Variants in KCNIP3 observed in about 807,000 individuals in gnomAD.
The protein encoded by KCNIP3 is calsenilin.
A neutral mutation model predicts 35.0 loss-of-function variants in KCNIP3; 28 were observed. That is an observed-to-expected ratio of 0.80 (90% CI 0.59 to 1.10). KCNIP3 has a LOEUF of 1.10. Among genes scored for constraint, KCNIP3 ranks in the 50% least tolerant of loss-of-function variants. KCNIP3 has a pLI of 0.00. For synonymous variants in KCNIP3, 134 were observed against 133.8 expected (o/e 1.00, Z -0.01); for missense variants, 295 against 338.4 (o/e 0.87, Z 1.01).
intron 2 of KCNIP3, among the ~76,000 whole-genome samples, chr2:95,340,530 A>C (rs1424310543): frequency 6.6e-6 from 1 of 152,234 alleles, no homozygotes. Context: ...TTTGGTGGCA[A>C]GCTGGCAGTC....
chr2:95,307,600 C>T (rs1678208001), intron 1 of KCNIP3, among the ~76,000 whole-genome samples: 1 of 152,200 alleles, frequency 6.6e-6, no homozygotes, highest in African/African-American at 2.4e-5. Flanking sequence ...CCAGCCTTCC[C>T]GGGAGGACTG....
intron 2 of KCNIP3, among the ~76,000 whole-genome samples, chr2:95,326,386 A>T (rs1219725233): frequency 6.6e-6 from 1 of 152,178 alleles, no homozygotes; most frequent in Non-Finnish European, 1.5e-5. Context: ...ACACTCACAT[A>T]CACATACATG....
chr2:95,371,137 G>C (rs1015337112), intron 2 of KCNIP3, among the ~76,000 whole-genome samples: 4 of 152,044 alleles, frequency 2.6e-5, no homozygotes, highest in Non-Finnish European at 5.9e-5. Context: ...AATTTGCTCT[G>C]CATTTTTTAG....
At chr2:95,355,698 G>A (rs1312618328) in intron 2 of KCNIP3, among the ~76,000 whole-genome samples, 1 of 152,154 alleles carries the variant, frequency 6.6e-6, no homozygotes. Flanking sequence ...TGGCTGCATA[G>A]TATTCCATGG....
intron 1 of KCNIP3, among the ~76,000 whole-genome samples, chr2:95,300,576 TCGGGGGAGGGCAC>T (rs1402787034): frequency 1.1e-5 from 1 of 91,354 alleles, no homozygotes; most frequent in Non-Finnish European, 2.6e-5. Flanking sequence ...AGCCTGAGAG[TCGGGGGAGGGCAC>T]AGCATGGGGC....
intron 2 of KCNIP3, among the ~76,000 whole-genome samples, chr2:95,324,996 C>T (rs1420622493): frequency 6.6e-6 from 1 of 152,192 alleles, no homozygotes; most frequent in African/African-American, 2.4e-5. Context: ...GGTGACAAAC[C>T]CCTGGCTGGC....
At chr2:95,352,088 C>A (rs748969676) in intron 2 of KCNIP3, among the ~76,000 whole-genome samples, 11 of 152,114 alleles carry the variant, frequency 7.2e-5, no homozygotes, top group Non-Finnish European at 1.6e-4. Flanking sequence ...CATGGTAAAA[C>A]CCCGTCTCTA....
At chr2:95,381,393 TCACA>T (rs752337766) in intron 5 of KCNIP3, among the ~76,000 whole-genome samples, 199 bp from the exon 6 acceptor site, 2 of 151,642 alleles carry the variant, frequency 1.3e-5, no homozygotes, top group Non-Finnish European at 2.9e-5. Context: ...TCACACAAGT[TCACA>T]CACACAGGTG....
chr2:95,308,319 G>T (rs890876684), intron 1 of KCNIP3, among the ~76,000 whole-genome samples: 3 of 152,212 alleles, frequency 2.0e-5, no homozygotes, highest in African/African-American at 7.2e-5. Flanking sequence ...GACGTGCAGG[G>T]GTTGTTGCCA....
At position 95,377,354 on chromosome 2, in the gene KCNIP3, C is replaced by T. The variant is rs1404776841; in HGVS notation, c.447+2146C>T. Among the ~76,000 whole-genome samples, 1 of 152,250 alleles carries T rather than the reference C, an allele frequency of 6.6e-6. No individual in the cohort carries two copies. Among genetic ancestry groups the T allele is most frequent in the Non-Finnish European group, 1.5e-5 (1 of 68,040 alleles). On this transcript the variant is annotated intron_variant, in intron 5 of 8. Coordinates refer to ENST00000295225, the MANE Select transcript of KCNIP3 (RefSeq NM_013434.5). This position sits in a 1 kb window ranked among gnomAD's most constrained non-coding sequence, Gnocchi z 4.7. The stretch of plus-strand genomic sequence containing the variant: ...TACCTCCCCCGACAGTAAACTGCTC[C>T]ATGTGCCAGTGGCCAAGCGGCATCC...
chr2:95,367,116 T>C lies in KCNIP3; in HGVS notation c.182-7180T>C, dbSNP rs557393188. Among the ~76,000 whole-genome samples, 603 of 152,016 alleles carry C rather than the reference T, an allele frequency of 4.0e-3. 4 individuals carry two copies. Among genetic ancestry groups the C allele is most frequent in the Non-Finnish European group, 3.8e-3 (260 of 67,994 alleles). On this transcript the variant is annotated intron_variant, in intron 2 of 8. Transcript: ENST00000295225. ...GGTGAAATCCTGTCTCTACTAAAAA[T>C]ACAAAAACTAGCTAGGTGTGGTGGT...
chr2:95,311,894 T>C (rs1678329228), intron 2 of KCNIP3: 1 of 152,166 alleles, frequency 6.6e-6, no homozygotes, highest in Non-Finnish European at 1.5e-5. Context: ...GTTTTGCAGG[T>C]AGCAGAAACA....
chr2:95,347,224 AGC>A, intron 2 of KCNIP3: 1 of 1,068,872 alleles, frequency 9.4e-7, no homozygotes, highest in South Asian at 1.5e-5. Context: ...TCTGGCGAGG[AGC>A]GGCCTGGGCC....
At chr2:95,337,225 C>T (rs1679082323) in intron 2 of KCNIP3, among the ~76,000 whole-genome samples, 1 of 152,062 alleles carries the variant, frequency 6.6e-6, no homozygotes, top group Non-Finnish European at 1.5e-5. Flanking sequence ...AAGTAAACTG[C>T]GGGGTCCATT....
chr2:95,369,042 G>T (rs1679982483), intron 2 of KCNIP3, among the ~76,000 whole-genome samples: 1 of 152,104 alleles, frequency 6.6e-6, no homozygotes, highest in African/African-American at 2.4e-5. Flanking sequence ...TTTGTATATT[G>T]ACCTTTTTTC....
At chr2:95,324,202 G>A (rs576241152) in intron 2 of KCNIP3, among the ~76,000 whole-genome samples, 3 of 152,294 alleles carry the variant, frequency 2.0e-5, no homozygotes, top group African/African-American at 7.2e-5. Context: ...TTGAAATAAT[G>A]CTCAGAAGTT....
rs772120285 is a variant in KCNIP3, at chr2:95,310,426, T to C, written c.87T>C (p.Gly29=). The C allele has an allele frequency of 1.2e-6, 2 of 1,613,552 alleles. No individual in the cohort carries two copies. The highest frequency in any genetic ancestry group is 3.3e-5 in the Admixed American group (2 of 59,986). ...ACACACCACTTAGCAAGAAGGAGGG[T>C]ATCAAGTGGCAGAGGCCGAGGCTCA... ...LGHTPLSKKE[G]IKWQRPRLSR... is the part of the protein sequence containing the mutation. The change falls in exon 2 of 9, where the codon GGT becomes GGC. Residue 29 remains glycine (G), a synonymous_variant. Transcript: ENST00000295225.
chr2:95,374,538 G>A, intron 3 of KCNIP3, 118 bp downstream of exon 3: 3 of 1,311,014 alleles, frequency 2.3e-6, no homozygotes, highest in Non-Finnish European at 3.1e-6. Flanking sequence ...ATGTGTTGTG[G>A]GAAAGCTGTG....
At chr2:95,347,158 C>G in intron 2 of KCNIP3, 1 of 1,554,512 alleles carries the variant, frequency 6.4e-7, no homozygotes, top group Non-Finnish European at 8.8e-7. Context: ...GCCGCCTCCG[C>G]CGCAGACCAG....
Sources: gnomAD v4.1 joint callset for allele counts (sites outside exome capture counted in the v4.1 genomes callset) on GRCh38, gnomAD v4.1.1 for gene constraint, Gnocchi (gnomAD v3.1) non-coding constraint, MANE v1.5 for transcripts, NCBI Gene and HGNC (gene_info 2026-07-23, HGNC 2026-07-21) for gene names.